Variants in NDRG4 observed in about 807,000 individuals in gnomAD.
NDRG4 encodes protein NDRG4.
NDRG4 carries 38 observed loss-of-function variants against 55.8 expected under a neutral mutation model. That is an observed-to-expected ratio of 0.68 (90% CI 0.53 to 0.89). NDRG4 has a LOEUF of 0.89. Ranked by LOEUF, NDRG4 falls within the 40% of genes least tolerant of loss-of-function variation. NDRG4 has a pLI of 0.00. For synonymous variants in NDRG4, 190 were observed against 182.7 expected, an observed-to-expected ratio of 1.04 and a Z score of -0.32; for missense variants, 455 against 468.6, an observed-to-expected ratio of 0.97 and a Z score of 0.27.
chr16:58,505,243 G>A (rs2151810771), intron 5 of NDRG4, among the ~76,000 whole-genome samples: 1 of 151,924 alleles, frequency 6.6e-6, no homozygotes, highest in East Asian at 1.9e-4. Flanking sequence ...CAGCTACTCG[G>A]GAGGCTGAGG....
intron 2 of NDRG4, among the ~76,000 whole-genome samples, chr16:58,491,161 A>C (rs1411594089): frequency 6.6e-6 from 1 of 151,596 alleles, no homozygotes; most frequent in Admixed American, 6.6e-5. Flanking sequence ...CTATAATCCC[A>C]GCTACTCGGG....
intron 14 of NDRG4, chr16:58,511,154 A>C: frequency 1.9e-6 from 1 of 519,654 alleles, no homozygotes; most frequent in Non-Finnish European, 3.4e-6. Flanking sequence ...CATCCTCTTG[A>C]GGGAGGCACG....
chr16:58,479,829 T>A (rs1476387896), intron 1 of NDRG4, among the ~76,000 whole-genome samples: 1 of 152,238 alleles, frequency 6.6e-6, no homozygotes, highest in African/African-American at 2.4e-5. Context: ...TTGTTTCACG[T>A]GCATTTCTCT....
intron 1 of NDRG4, among the ~76,000 whole-genome samples, chr16:58,472,667 T>C (rs2033039488): frequency 6.6e-6 from 1 of 152,310 alleles, no homozygotes; most frequent in East Asian, 1.9e-4. Flanking sequence ...GCCAGCACAG[T>C]GGACACAGGG....
At position 58,507,035 on chromosome 16, in the gene NDRG4, C is replaced by T. The variant is rs1201501941; in HGVS notation, c.620+20C>T. 6.3e-7 allele frequency: 1 copy of T among 1,596,570 alleles called. No homozygotes were observed. Among genetic ancestry groups the T allele is most frequent in the Non-Finnish European group, 8.6e-7 (1 of 1,167,410 alleles). On this transcript the variant is annotated intron_variant, in intron 8 of 14. Transcript: ENST00000570248. ...CAACAGGTGCGGGTGGGATCAGCAG[C>T]CCTGGGACCCAGCACACCCCAGTGG...
intron 1 of NDRG4, among the ~76,000 whole-genome samples, chr16:58,485,826 A>G (rs2035024515): frequency 1.3e-5 from 2 of 152,100 alleles, no homozygotes; most frequent in South Asian, 2.1e-4. Context: ...ATTAAATAAT[A>G]TTTTATTATT....
In NDRG4 at chr16:58,464,384, G is replaced by T; in HGVS notation, c.-24+587G>T. On this transcript the variant is annotated intron_variant, in intron 1 of 15. Transcript: ENST00000258187. This position sits in a 1 kb window ranked among gnomAD's most constrained non-coding sequence, Gnocchi z 4.8. ...TCCTCTCCCCGGCTCGGCCGAGCGC[G>T]CTGCCCCGACGCCGCCACCCAGAGC... 2 of 1,366,680 alleles carry T rather than the reference G, an allele frequency of 1.5e-6. No homozygotes were observed. The highest frequency in any genetic ancestry group is 1.5e-5 in the African/African-American group (1 of 65,702). The allele number at this position is 1,366,680 out of a possible 1,614,324, so 84.7% of individuals were successfully genotyped here.
intron 2 of NDRG4, 31 bp from the exon 3 acceptor site, chr16:58,504,123 G>A (rs1178160920): frequency 1.2e-6 from 2 of 1,613,052 alleles, no homozygotes; most frequent in Non-Finnish European, 1.7e-6. Context: ...CGGCCCCTCT[G>A]CTCAGCCATA....
rs1193379222 is a variant in NDRG4 at position 58,513,200 on chromosome 16, A to G, written c.*1624A>G. The stretch of plus-strand genomic sequence containing the variant: ...TGTGTGTGTGTGTGTGTGTGTGTAC[A>G]TCGGGTCCTCCCATGTGTGGTGTTC... On this transcript the variant is annotated 3_prime_UTR_variant, in exon 15 of 15. Coordinates refer to ENST00000570248, the MANE Select transcript of NDRG4 (RefSeq NM_001242835.2). The G allele has an allele frequency of 8.4e-6, 1 of 118,492 alleles. No homozygotes were observed. The highest frequency in any genetic ancestry group is 3.7e-5 in the African/African-American group (1 of 26,870). 7.3% of individuals were successfully genotyped at this position (118,492 alleles called of 1,614,324 possible). A position where few individuals can be genotyped will look rare whatever the true frequency, so the allele number is the denominator to read the frequency against.
intron 1 of NDRG4, among the ~76,000 whole-genome samples, chr16:58,478,001 T>G (rs2033904386): frequency 1.3e-5 from 2 of 152,172 alleles, no homozygotes; most frequent in Non-Finnish European, 1.5e-5. Context: ...GTCGTATTCT[T>G]GCCAAAAATG....
chr16:58,507,875 C>A lies in NDRG4; in HGVS notation c.677+11C>A, dbSNP rs747021524. ...TGCCAAGACGCTCCGGTGAGTGGCC[C>A]CTGGCCCTCTGGCCTGCCCTGGCCT... On this transcript the variant is annotated intron_variant, in intron 9 of 14. Transcript: ENST00000570248. 5 of 1,614,062 alleles carry A rather than the reference C, an allele frequency of 3.1e-6. No individual in the cohort carries two copies. In the South Asian group the frequency reaches 3.3e-5, roughly 11 times the overall value.
intron 10 of NDRG4, 88 bp from the exon 11 acceptor site, chr16:58,508,874 C>T (rs2151840017): frequency 1.4e-6 from 2 of 1,463,956 alleles, no homozygotes; most frequent in East Asian, 2.3e-5. Context: ...ACCCCCTCTC[C>T]TCCCCGAGCT....
downstream of NDRG4, chr16:58,515,363 G>T (rs1369966381): frequency 1.5e-6 from 1 of 667,234 alleles, no homozygotes; most frequent in Admixed American, 3.5e-5. Context: ...TGCAATTGGA[G>T]ATCCTGGACT....
intron 8 of NDRG4, chr16:58,507,332 A>G (rs929812061): frequency 2.4e-6 from 1 of 423,558 alleles, no homozygotes; most frequent in Non-Finnish European, 4.3e-6. Flanking sequence ...CTGCAAAATG[A>G]GGAAGAGGTC....
chr16:58,487,945 C>G, intron 2 of NDRG4: 1 of 952,798 alleles, frequency 1.0e-6, no homozygotes, highest in Non-Finnish European at 1.5e-6. Context: ...CCGACCCTCC[C>G]TAGGGCCAGC....
chr16:58,464,514 G>T lies in NDRG4; in HGVS notation c.-24+717G>T. On this transcript the variant is annotated intron_variant, in intron 1 of 15. Coordinates refer to the NDRG4 transcript ENST00000258187. This position sits in a 1 kb window ranked among gnomAD's most constrained non-coding sequence, Gnocchi z 4.8. Reference sequence around the variant, plus strand: ...GCCGGCCGCCACTTTCCGAGTTGGAGCGGACTCCGGGCGCGGCGGCCGGGG... The same window carrying T: ...GCCGGCCGCCACTTTCCGAGTTGGATCGGACTCCGGGCGCGGCGGCCGGGG... 1 of 1,298,078 alleles carries T rather than the reference G, an allele frequency of 7.7e-7. No homozygotes were observed. The allele number at this position is 1,298,078 out of a possible 1,614,324, so 80.4% of individuals were successfully genotyped here. A position where few individuals can be genotyped will look rare whatever the true frequency, so the allele number is the denominator to read the frequency against.
intron 1 of NDRG4, chr16:58,502,168 A>G (rs2037241539): frequency 2.6e-6 from 1 of 386,684 alleles, no homozygotes; most frequent in Non-Finnish European, 5.4e-6. Context: ...TCCCTTTCCT[A>G]GCCTCAATTT....
chr16:58,494,640 C>T (rs1473332439), intron 2 of NDRG4, among the ~76,000 whole-genome samples: 1 of 152,124 alleles, frequency 6.6e-6, no homozygotes, highest in Non-Finnish European at 1.5e-5. Flanking sequence ...CCTGGCACTT[C>T]GGTGAGCCCT....
rs112470468 is a variant in NDRG4, at chr16:58,470,211, A to C, written c.-24+6414A>C. Among the ~76,000 whole-genome samples the C allele has an allele frequency of 9.7e-3, 1,478 of 152,314 alleles. 30 individuals are homozygous for C. The highest frequency in any genetic ancestry group is 0.033 in the African/African-American group (1,392 of 41,554). On this transcript the variant is annotated intron_variant, in intron 1 of 15. Transcript: ENST00000258187. Reference sequence around the variant, plus strand: ...TAAAAACAAAAAAATTCTCTTCTGAAGGCTAATTTTTTAAAAAAACTAAAA... The same window carrying C: ...TAAAAACAAAAAAATTCTCTTCTGACGGCTAATTTTTTAAAAAAACTAAAA...
Sources: gnomAD v4.1 joint callset for allele counts (sites outside exome capture counted in the v4.1 genomes callset) on GRCh38, gnomAD v4.1.1 for gene constraint, Gnocchi (gnomAD v3.1) non-coding constraint, MANE v1.5 for transcripts, NCBI Gene and HGNC (gene_info 2026-07-23, HGNC 2026-07-21) for gene names.